Variants in CEP89 observed in about 807,000 individuals in gnomAD.
CEP89 encodes the protein centrosomal protein 89.
In CEP89, 95 loss-of-function variants were observed where a neutral mutation model predicts 97.6. The ratio of observed to expected loss-of-function variants is 0.97; its 90% CI spans 0.82 to 1.15. The LOEUF is 1.15. Among genes scored for constraint, CEP89 ranks in the 50% most tolerant of loss-of-function variants. The pLI is 0.00. For missense variants in CEP89, 869 were observed against 947.7 expected (o/e 0.92, Z 1.09); for synonymous variants, 354 against 349.1 (o/e 1.01, Z -0.16).
intron 14 of CEP89, among the ~76,000 whole-genome samples, chr19:32,904,325 G>A (rs1969845120): frequency 6.6e-6 from 1 of 152,090 alleles, no homozygotes; most frequent in Non-Finnish European, 1.5e-5. Flanking sequence ...CATAAACGAC[G>A]CAAGCCAAAA....
At chr19:32,956,396 G>T (rs1971050444) in intron 3 of CEP89, among the ~76,000 whole-genome samples, 1 of 150,682 alleles carries the variant, frequency 6.6e-6, no homozygotes, top group Non-Finnish European at 1.5e-5. Flanking sequence ...TTGAGACAGG[G>T]TCTCACTCTG....
chr19:32,960,135 A>C, intron 2 of CEP89, 77 bp from the exon 3 acceptor site: 1 of 1,484,232 alleles, frequency 6.7e-7, no homozygotes, highest in Non-Finnish European at 9.3e-7. Context: ...ACATAAACTC[A>C]TCAAGGCTTA....
intron 14 of CEP89, among the ~76,000 whole-genome samples, chr19:32,903,471 T>C (rs1969824803): frequency 6.6e-6 from 1 of 152,154 alleles, no homozygotes; most frequent in Non-Finnish European, 1.5e-5. Flanking sequence ...AACATGCTCC[T>C]ACATTTGAGA....
intron 2 of CEP89, chr19:32,963,594 T>C (rs1296540509): frequency 1.3e-5 from 2 of 152,144 alleles, no homozygotes; most frequent in African/African-American, 4.8e-5. Flanking sequence ...AGCACACCTA[T>C]GGAGTGTGCT....
intron 13 of CEP89, chr19:32,917,894 C>A (rs561473170): frequency 1.8e-6 from 1 of 567,628 alleles, no homozygotes; most frequent in South Asian, 7.8e-5. Flanking sequence ...GGGAAGAGAC[C>A]CTGTGTTATT....
At chr19:32,918,079 G>T in intron 13 of CEP89, 145 bp downstream of exon 13, 1 of 686,960 alleles carries the variant, frequency 1.5e-6, no homozygotes, top group African/African-American at 1.8e-5. Flanking sequence ...GACGTGGAAA[G>T]GTTATAAACA....
At chr19:32,959,367 C>T (rs1440022823) in intron 3 of CEP89, among the ~76,000 whole-genome samples, 2 of 152,182 alleles carry the variant, frequency 1.3e-5, no homozygotes, top group Non-Finnish European at 2.9e-5. Flanking sequence ...CTCCCCTTGA[C>T]CCTTTCTTCC....
chr19:32,963,892 CCACA>C (rs56322637), intron 2 of CEP89: 17,471 of 146,076 alleles, frequency 0.12, 1,228 homozygotes, highest in East Asian at 0.28. Flanking sequence ...TTATAAAAGA[CCACA>C]CACACACACA....
chr19:32,902,934 A>C (rs1969812903), intron 14 of CEP89, among the ~76,000 whole-genome samples: 1 of 152,212 alleles, frequency 6.6e-6, no homozygotes, highest in African/African-American at 2.4e-5. Flanking sequence ...CCTTATAATA[A>C]AAGAGATATT....
chr19:32,936,267 G>A lies in CEP89; in HGVS notation c.667+1364C>T, dbSNP rs546911983. On this transcript the variant is annotated intron_variant, in intron 7 of 18. Coordinates refer to ENST00000305768, the MANE Select transcript of CEP89 (RefSeq NM_032816.5). The surrounding 1 kb of genome is among the most constrained non-coding windows in gnomAD (Gnocchi z 4.5). ...TGCATACTCAGGGCAGTACTGACAC[G>A]ACAGCGCCCTGCCGCCTCAGCCCCC... Among the ~76,000 whole-genome samples, 13 of 152,286 alleles carry A rather than the reference G, an allele frequency of 8.5e-5. No homozygotes were observed. The highest frequency in any genetic ancestry group is 5.2e-4 in the Admixed American group (8 of 15,300).
At chr19:32,964,268 T>C (rs1042050941) in intron 2 of CEP89, among the ~76,000 whole-genome samples, 9 of 152,014 alleles carry the variant, frequency 5.9e-5, no homozygotes, top group African/African-American at 2.2e-4. Flanking sequence ...TGCCTCCAGG[T>C]TCAGGCGATT....
At chr19:32,962,049 C>CAAAA (rs60927897) in intron 2 of CEP89, among the ~76,000 whole-genome samples, 1 of 138,352 alleles carries the variant, frequency 7.2e-6, no homozygotes. Flanking sequence ...TTTCCATATG[C>CAAAA]AAAAAAAAAA....
At chr19:32,961,578 C>CAAAA (rs1193124918) in intron 2 of CEP89, among the ~76,000 whole-genome samples, 16 of 62,296 alleles carry the variant, frequency 2.6e-4, no homozygotes, top group African/African-American at 9.3e-4. Context: ...GACTCCATCT[C>CAAAA]AAAAAAAAAA....
chr19:32,919,493 C>A (rs1411935709), intron 12 of CEP89, among the ~76,000 whole-genome samples: 1 of 152,190 alleles, frequency 6.6e-6, no homozygotes, highest in Admixed American at 6.5e-5. Context: ...GGTGTGGCCC[C>A]AACAGTGGTG....
At chr19:32,962,671 G>C (rs1971194806) in intron 2 of CEP89, among the ~76,000 whole-genome samples, 1 of 152,124 alleles carries the variant, frequency 6.6e-6, no homozygotes, top group Admixed American at 6.6e-5. Context: ...CTGTTTAAGA[G>C]AATGAAAAGA....
rs148310128 is a variant in CEP89, at chr19:32,883,522, C to A, written c.1966-1509G>T. 8.7e-3 allele frequency among the ~76,000 whole-genome samples: 1,315 copies of A among 151,930 alleles called. 21 individuals are homozygous for A. The highest frequency in any genetic ancestry group is 0.048 in the South Asian group (233 of 4,806). On this transcript the variant is annotated intron_variant, in intron 17 of 18. Coordinates refer to ENST00000305768, the MANE Select transcript of CEP89 (RefSeq NM_032816.5). ...TGAAACCCTGTCTCTATTAAAAATA[C>A]AAAAATCAGCTGGGCGTGGTGGCAC...
At chr19:32,966,260 C>G (rs1971280958) in intron 2 of CEP89, 100 bp downstream of exon 2, 2 of 504,088 alleles carry the variant, frequency 4.0e-6, no homozygotes, top group Non-Finnish European at 6.9e-6. Flanking sequence ...ATTCTAACCA[C>G]CCTACTTATA....
At chr19:32,920,195 G>A (rs1329376759) in intron 12 of CEP89, among the ~76,000 whole-genome samples, 3 of 151,838 alleles carry the variant, frequency 2.0e-5, no homozygotes, top group Non-Finnish European at 2.9e-5. Context: ...ATGCCATCAC[G>A]CCCAGCTAAT....
rs369550326 is a variant in CEP89, at chr19:32,960,023, A to G, written c.182T>C (p.Leu61Ser). 2.0e-5 allele frequency: 33 copies of G among 1,614,130 alleles called. No individual in the cohort carries two copies. The highest frequency in any genetic ancestry group is 2.8e-5 in the Non-Finnish European group (33 of 1,180,052). The change falls in exon 3 of 19, where the codon TTG becomes TCG. Residue 61 changes from leucine to serine, a missense_variant. Transcript: ENST00000305768. ...ALAAAILATT[L>S]TGRTVAIPQP... ...AGGAATAGCAACCGTCCGCCCAGTC[A>G]ATGTTGTCGCCAGAATGGCTGCTGC...
Sources: gnomAD v4.1 joint callset for allele counts (sites outside exome capture counted in the v4.1 genomes callset) on GRCh38, gnomAD v4.1.1 for gene constraint, Gnocchi (gnomAD v3.1) non-coding constraint, MANE v1.5 for transcripts, NCBI Gene and HGNC (gene_info 2026-07-23, HGNC 2026-07-21) for gene names.